Variants in CDH13 observed in about 807,000 individuals in gnomAD.
The protein encoded by CDH13 is cadherin 13, also known as cadherin-13.
A neutral mutation model predicts 63.8 loss-of-function variants in CDH13; 24 were observed. The observed-to-expected ratio is 0.38, with a 90% confidence interval of 0.27 to 0.53. The LOEUF is 0.53. CDH13 is among the 20% of genes least tolerant of loss of function. CDH13 has a pLI of 0.85. For missense variants in CDH13, 1,049 were observed against 903.1 expected (o/e 1.16, Z -2.07); for synonymous variants, 503 against 355.3 (o/e 1.42, Z -4.67).
intron 6 of CDH13, among the ~76,000 whole-genome samples, chr16:83,380,867 G>A (rs1304170234): frequency 2.0e-5 from 3 of 150,352 alleles, no homozygotes; most frequent in African/African-American, 7.4e-5. Flanking sequence ...AGGAAAAAGA[G>A]AAGAGTGTAT....
intron 7 of CDH13, among the ~76,000 whole-genome samples, chr16:83,566,303 C>G (rs537657808): frequency 1.3e-5 from 2 of 152,150 alleles, no homozygotes; most frequent in African/African-American, 2.4e-5. Flanking sequence ...TTAACTTGCA[C>G]CTCAATGCAT....
intron 2 of CDH13, among the ~76,000 whole-genome samples, chr16:82,981,017 G>T (rs566328772): frequency 6.6e-6 from 1 of 152,152 alleles, no homozygotes; most frequent in South Asian, 2.1e-4. Context: ...TCAGCACAAA[G>T]GGAGCTCAGG....
intron 1 of CDH13, among the ~76,000 whole-genome samples, chr16:82,773,002 G>A (rs8058974): frequency 0.23 from 34,792 of 152,072 alleles, 4,473 homozygotes; most frequent in South Asian, 0.36. Context: ...TGTAGAGAGC[G>A]CACGAGAGCC....
chr16:83,141,613 C>G (rs1225231451), intron 4 of CDH13, among the ~76,000 whole-genome samples: 1 of 152,138 alleles, frequency 6.6e-6, no homozygotes, highest in Non-Finnish European at 1.5e-5. Context: ...AACCCATCAT[C>G]TACGTTTTAA....
rs60196623 is a variant in CDH13, at chr16:82,885,255, A to G, written c.157+26782A>G. 6.5e-3 allele frequency among the ~76,000 whole-genome samples: 983 copies of G among 152,360 alleles called. 26 individuals are homozygous for G. Among genetic ancestry groups the G allele is most frequent in the East Asian group, 0.053 (274 of 5,188 alleles). ...TTCTATAGTCTGGTTACAAAAACAA[A>G]ACATTTTAGAAAATTTGGTCATTCT... On this transcript the variant is annotated intron_variant, in intron 2 of 13. Coordinates refer to ENST00000567109, the MANE Select transcript of CDH13 (RefSeq NM_001257.5).
intron 4 of CDH13, among the ~76,000 whole-genome samples, chr16:83,153,555 C>G (rs902830702): frequency 6.6e-6 from 1 of 152,192 alleles, no homozygotes; most frequent in African/African-American, 2.4e-5. Context: ...AAGCTCCTCC[C>G]AAAGTTAGTT....
chr16:83,360,605 T>C (rs1243948382), intron 6 of CDH13, among the ~76,000 whole-genome samples: 1 of 152,154 alleles, frequency 6.6e-6, no homozygotes, highest in Non-Finnish European at 1.5e-5. Flanking sequence ...TTTTCAACCC[T>C]TTCTCACCAG....
chr16:83,650,571 C>G (rs1282061578), intron 8 of CDH13, among the ~76,000 whole-genome samples: 1 of 152,116 alleles, frequency 6.6e-6, no homozygotes, highest in Non-Finnish European at 1.5e-5. Context: ...CGCTGGGACA[C>G]CCAACAATGT....
chr16:83,536,259 T>A (rs2075185818), intron 7 of CDH13, among the ~76,000 whole-genome samples: 1 of 152,130 alleles, frequency 6.6e-6, no homozygotes, highest in Non-Finnish European at 1.5e-5. Context: ...GGGACCAATA[T>A]TAGTCAAATA....
intron 7 of CDH13, among the ~76,000 whole-genome samples, chr16:83,526,830 G>A (rs540006665): frequency 1.3e-5 from 2 of 152,268 alleles, no homozygotes; most frequent in South Asian, 4.1e-4. Flanking sequence ...AAGCAGGCAG[G>A]CAGACAGAAT....
chr16:82,695,675 A>G (rs1014984208), intron 1 of CDH13, among the ~76,000 whole-genome samples: 6 of 152,156 alleles, frequency 3.9e-5, no homozygotes, highest in Non-Finnish European at 7.4e-5. Flanking sequence ...CAAAGCCCCT[A>G]TCTGAATTCT....
At chr16:83,357,826 G>A (rs1486529722) in intron 6 of CDH13, among the ~76,000 whole-genome samples, 3 of 152,154 alleles carry the variant, frequency 2.0e-5, no homozygotes, top group Non-Finnish European at 4.4e-5. Context: ...GGCATTGGTT[G>A]GTACCTTTTT....
chr16:83,117,705 A>G (rs1473630676), intron 3 of CDH13, among the ~76,000 whole-genome samples: 2 of 151,878 alleles, frequency 1.3e-5, no homozygotes, highest in Non-Finnish European at 2.9e-5. Flanking sequence ...ATATGAATCT[A>G]TTCTCTCGCT....
At chr16:83,605,434 G>C (rs902520154) in intron 8 of CDH13, among the ~76,000 whole-genome samples, 2 of 152,192 alleles carry the variant, frequency 1.3e-5, no homozygotes, top group African/African-American at 4.8e-5. Context: ...TGAGAAGTAA[G>C]GAGGGGGCGC....
chr16:82,963,886 C>T (rs1314727339), intron 2 of CDH13, among the ~76,000 whole-genome samples: 1 of 152,156 alleles, frequency 6.6e-6, no homozygotes, highest in Non-Finnish European at 1.5e-5. Flanking sequence ...CACCGGAAAG[C>T]CAGGTCGGAG....
rs532071331 is a variant in CDH13 at position 83,752,088 on chromosome 16, G to A, written c.1681+3838G>A. Among the ~76,000 whole-genome samples, 8 of 152,356 alleles carry A rather than the reference G, an allele frequency of 5.3e-5. No homozygotes were observed. In the South Asian group the frequency reaches 8.3e-4, roughly 16 times the overall value. On this transcript the variant is annotated intron_variant, in intron 11 of 13. Transcript: ENST00000567109. Reference sequence around the variant, plus strand: ...TTTAAAATTCTGTGTAAAATGAAAAGTATCCATTACTGATCAGCTAAAGTA... The same window carrying A: ...TTTAAAATTCTGTGTAAAATGAAAAATATCCATTACTGATCAGCTAAAGTA...
At chr16:82,979,157 T>G (rs1292806785) in intron 2 of CDH13, among the ~76,000 whole-genome samples, 1 of 152,240 alleles carries the variant, frequency 6.6e-6, no homozygotes, top group African/African-American at 2.4e-5. Context: ...TTGGAACAGA[T>G]GTATTTATCC....
chr16:83,124,087 C>G (rs993321568), intron 3 of CDH13, among the ~76,000 whole-genome samples: 1 of 152,062 alleles, frequency 6.6e-6, no homozygotes, highest in African/African-American at 2.4e-5. Flanking sequence ...GTTCTGTCAC[C>G]CAGGATGGAG....
chr16:82,958,348 A>G (rs916129594), intron 2 of CDH13, among the ~76,000 whole-genome samples: 2 of 152,246 alleles, frequency 1.3e-5, no homozygotes, highest in Non-Finnish European at 2.9e-5. Context: ...CCATTTAAGC[A>G]TGAATTTCAG....
Sources: allele counts gnomAD v4.1 joint callset (sites outside exome capture counted in the v4.1 genomes callset), GRCh38; gene constraint gnomAD v4.1.1; transcripts MANE v1.5; gene names NCBI Gene and HGNC (gene_info 2026-07-23, HGNC 2026-07-21).